Variants in CDC123 observed in about 807,000 individuals in gnomAD.
The protein encoded by CDC123 is translation initiation factor eIF2 assembly protein.
CDC123 carries 37 observed loss-of-function variants against 54.4 expected under a neutral mutation model. That is an observed-to-expected ratio of 0.68 (90% CI 0.52 to 0.89). CDC123 has a LOEUF of 0.89. Among genes scored for constraint, CDC123 ranks in the 40% least tolerant of loss-of-function variants. CDC123 has a pLI of 0.00. For synonymous variants in CDC123, 144 were observed against 136.8 expected, an observed-to-expected ratio of 1.05 and a Z score of -0.37; for missense variants, 361 against 412.1, an observed-to-expected ratio of 0.88 and a Z score of 1.07.
chr10:12,220,500 A>G (rs542348682), intron 6 of CDC123, among the ~76,000 whole-genome samples: 3 of 152,050 alleles, frequency 2.0e-5, no homozygotes, highest in Non-Finnish European at 3.0e-5. Flanking sequence ...GCAAATGCCA[A>G]GCACTGGGCT....
intron 10 of CDC123, among the ~76,000 whole-genome samples, chr10:12,242,175 G>C (rs1442206422): frequency 6.6e-6 from 1 of 152,178 alleles, no homozygotes; most frequent in South Asian, 2.1e-4. Context: ...CGTGGCCTCT[G>C]TACGTGAGAG....
intron 6 of CDC123, among the ~76,000 whole-genome samples, chr10:12,218,251 T>TC (rs1393055713): frequency 1.4e-5 from 2 of 146,024 alleles, no homozygotes; most frequent in Non-Finnish European, 3.0e-5. Context: ...TTTTTTCTTT[T>TC]TTTTTTTTTT....
chr10:12,225,008 T>G (rs1036234577), intron 6 of CDC123, among the ~76,000 whole-genome samples: 3 of 152,178 alleles, frequency 2.0e-5, no homozygotes, highest in African/African-American at 7.2e-5. Context: ...GACTTCCTGC[T>G]GAGGCCTGTA....
chr10:12,238,497 C>T lies in CDC123; in HGVS notation c.717+12C>T, dbSNP rs1468949119. On this transcript the variant is annotated intron_variant, in intron 10 of 12. Coordinates refer to ENST00000281141, the MANE Select transcript of CDC123 (RefSeq NM_006023.3). Reference sequence around the variant, plus strand: ...ACAGAGACAGTAGGGTAAGTAAAAACTCTTTCTGATATGCTTTAATATAAG... The same window carrying T: ...ACAGAGACAGTAGGGTAAGTAAAAATTCTTTCTGATATGCTTTAATATAAG... 7 of 1,607,258 alleles carry T rather than the reference C, an allele frequency of 4.4e-6. No homozygotes were observed. The highest frequency in any genetic ancestry group is 4.0e-5 in the African/African-American group (3 of 74,388).
At chr10:12,249,902 T>A in intron 12 of CDC123, 184 bp downstream of exon 12, 1 of 747,322 alleles carries the variant, frequency 1.3e-6, no homozygotes, top group Non-Finnish European at 2.0e-6. Flanking sequence ...CATAATTTAT[T>A]GATTAGAATG....
intron 2 of CDC123, among the ~76,000 whole-genome samples, chr10:12,201,118 C>T (rs1440871574): frequency 6.6e-6 from 1 of 152,160 alleles, no homozygotes; most frequent in Non-Finnish European, 1.5e-5. Context: ...ATTTTCTAGC[C>T]CTTCCCTCTG....
At chr10:12,213,211 G>GA (rs1835625501) in intron 4 of CDC123, among the ~76,000 whole-genome samples, 1 of 152,198 alleles carries the variant, frequency 6.6e-6, no homozygotes, top group African/African-American at 2.4e-5. Flanking sequence ...TTTGCGCAAA[G>GA]AAAAATAGTA....
chr10:12,198,401 G>C (rs989569806), intron 1 of CDC123, among the ~76,000 whole-genome samples: 1 of 152,198 alleles, frequency 6.6e-6, no homozygotes, highest in Non-Finnish European at 1.5e-5. Flanking sequence ...ATTTCTTAAA[G>C]ACACATAAAT....
At chr10:12,216,983 T>C (rs895568260) in intron 5 of CDC123, among the ~76,000 whole-genome samples, 1 of 152,186 alleles carries the variant, frequency 6.6e-6, no homozygotes, top group African/African-American at 2.4e-5. Context: ...AGAGTGGAAA[T>C]TGATCTCTCT....
At chr10:12,222,270 T>C (rs914157025) in intron 6 of CDC123, among the ~76,000 whole-genome samples, 1 of 152,244 alleles carries the variant, frequency 6.6e-6, no homozygotes, top group Non-Finnish European at 1.5e-5. Context: ...TGCTTTTTTC[T>C]TTCCTGTTCT....
At chr10:12,197,694 T>G (rs1835382600) in intron 1 of CDC123, among the ~76,000 whole-genome samples, 1 of 150,448 alleles carries the variant, frequency 6.6e-6, no homozygotes, top group Non-Finnish European at 1.5e-5. Context: ...GATTTTTGAA[T>G]GTGAAATTGT....
chr10:12,239,962 C>T (rs1285922201), intron 10 of CDC123, among the ~76,000 whole-genome samples: 16 of 146,422 alleles, frequency 1.1e-4, no homozygotes, highest in East Asian at 1.0e-3. Flanking sequence ...GAGCCGAGAT[C>T]GCGCCACTGC....
In CDC123 at chr10:12,199,543, T is replaced by C. The variant is rs76370449; in HGVS notation, c.146+767T>C. Among the ~76,000 whole-genome samples, 55 of 152,310 alleles carry C rather than the reference T, an allele frequency of 3.6e-4. 1 individual carries two copies. In the East Asian group the frequency reaches 0.01, roughly 28 times the overall value. ...CCAGCTCATGGAACAGTGCCTGATA[T>C]AGCAGAAGTGCTTGATAAACATTTG... On this transcript the variant is annotated intron_variant, in intron 2 of 12. Transcript: ENST00000281141.
chr10:12,248,158 A>G (rs984197645), intron 11 of CDC123, among the ~76,000 whole-genome samples: 1 of 152,188 alleles, frequency 6.6e-6, no homozygotes, highest in African/African-American at 2.4e-5. Context: ...TACATACTCA[A>G]TTACATGTCC....
intron 2 of CDC123, among the ~76,000 whole-genome samples, chr10:12,200,898 G>T (rs747875559): frequency 2.0e-5 from 3 of 151,552 alleles, no homozygotes; most frequent in Non-Finnish European, 2.9e-5. Context: ...ATGCCATTGC[G>T]CTCCAGCCTG....
intron 6 of CDC123, among the ~76,000 whole-genome samples, chr10:12,228,736 A>G (rs1835861076): frequency 6.6e-6 from 1 of 151,874 alleles, no homozygotes; most frequent in Admixed American, 6.6e-5. Flanking sequence ...ACACCCAGCT[A>G]ATTTTGTATT....
chr10:12,246,990 C>CAG (rs1836150135), intron 11 of CDC123: 1 of 135,664 alleles, frequency 7.4e-6, no homozygotes, highest in African/African-American at 2.8e-5. Flanking sequence ...CCTCAGGACA[C>CAG]TGTCCTCCTC....
chr10:12,242,543 A>G (rs1329949378), intron 10 of CDC123, among the ~76,000 whole-genome samples: 3 of 152,270 alleles, frequency 2.0e-5, no homozygotes, highest in African/African-American at 4.8e-5. Flanking sequence ...GGGCAGGGAG[A>G]CAGTCAGCTG....
intron 7 of CDC123, among the ~76,000 whole-genome samples, chr10:12,234,464 C>T (rs981204992): frequency 6.6e-6 from 1 of 152,224 alleles, no homozygotes; most frequent in Non-Finnish European, 1.5e-5. Context: ...AGGTGATCGC[C>T]CGCCTCAGTC....
Sources: gnomAD v4.1 joint callset for allele counts (sites outside exome capture counted in the v4.1 genomes callset) on GRCh38, gnomAD v4.1.1 for gene constraint, MANE v1.5 for transcripts, NCBI Gene and HGNC (gene_info 2026-07-23, HGNC 2026-07-21) for gene names.